Variants in MS4A4A observed in about 807,000 individuals in gnomAD.
MS4A4A encodes the protein membrane spanning 4-domains A4A.
In MS4A4A, 26 loss-of-function variants were observed where a neutral mutation model predicts 28.0. The ratio of observed to expected loss-of-function variants is 0.93; its 90% CI spans 0.68 to 1.29. The LOEUF (loss-of-function observed/expected upper bound fraction) is 1.29, where lower values mean the gene tolerates loss of function less well. Ranked by LOEUF, MS4A4A falls within the 50% of genes most tolerant of loss-of-function variation. The pLI, the probability that MS4A4A is intolerant of heterozygous loss-of-function variation, is 0.00. For missense variants in MS4A4A, 290 were observed against 293.1 expected, an observed-to-expected ratio of 0.99 and a Z score of 0.08; for synonymous variants, 86 against 100.8, an observed-to-expected ratio of 0.85 and a Z score of 0.88.
At chr11:60,308,051 G>A in intron 6 of MS4A4A, 56 bp from the exon 7 acceptor site, 1 of 1,473,822 alleles carries the variant, frequency 6.8e-7, no homozygotes, top group Non-Finnish European at 9.5e-7. Flanking sequence ...GGGCAGGAAA[G>A]GGGCACTCTG....
At chr11:60,286,550 G>A (rs576280270) in intron 1 of MS4A4A, among the ~76,000 whole-genome samples, 144 of 152,236 alleles carry the variant, frequency 9.5e-4, no homozygotes, top group South Asian at 3.5e-3. Context: ...CCCTCCGTTC[G>A]GGGTCCCTGA....
chr11:60,293,995 TGTAA>T (rs2135020606), intron 2 of MS4A4A, among the ~76,000 whole-genome samples: 1 of 152,334 alleles, frequency 6.6e-6, no homozygotes, highest in African/African-American at 2.4e-5. Context: ...ATTAGTGTAT[TGTAA>T]GTAAGAGTAC....
chr11:60,305,220 C>T (rs1441581552), intron 5 of MS4A4A, among the ~76,000 whole-genome samples: 1 of 152,240 alleles, frequency 6.6e-6, no homozygotes. Flanking sequence ...GGATTAAAGA[C>T]TGACCTACTT....
chr11:60,286,566 C>A (rs117205026), intron 1 of MS4A4A, among the ~76,000 whole-genome samples: 2 of 152,200 alleles, frequency 1.3e-5, no homozygotes, highest in Non-Finnish European at 2.9e-5. Context: ...CCTGACTTCC[C>A]GCAACAGTAG....
intron 1 of MS4A4A, among the ~76,000 whole-genome samples, chr11:60,288,282 G>A (rs1466950211): frequency 6.6e-6 from 1 of 152,238 alleles, no homozygotes. Context: ...CCACATGGTT[G>A]CCATCGAGAT....
In MS4A4A at chr11:60,308,110, G is replaced by T. The variant is rs1360452325; in HGVS notation, c.652G>T (p.Val218Leu). The change falls in exon 7 of 7, where the codon GTG becomes TTG. Residue 218 changes from valine to leucine, a missense_variant. By Grantham distance (32) the Val-to-Leu change is conservative (BLOSUM62 1). Transcript: ENST00000337908. The part of the protein sequence containing the change: ...KVLCCTPGGV[V>L]LILPSHSHMA... ...TGGCATTCTGATTGTTTCACAGGTTGTGTTAATTCTGCCATCACATTCTCA... is the reference window on the plus strand; with the variant it reads ...TGGCATTCTGATTGTTTCACAGGTTTTGTTAATTCTGCCATCACATTCTCA... 3.1e-6 allele frequency: 5 copies of T among 1,613,934 alleles called. No individual in the cohort carries two copies. Among genetic ancestry groups the T allele is most frequent in the Admixed American group, 3.3e-5 (2 of 60,012 alleles).
chr11:60,296,999 T>C (rs528167930), intron 2 of MS4A4A, 198 bp from the exon 3 acceptor site: 14 of 613,144 alleles, frequency 2.3e-5, no homozygotes, highest in Admixed American at 6.5e-5. Context: ...TTGGCAATGA[T>C]AGACGTCGCG....
chr11:60,282,531 T>C (rs1229026442), intron 1 of MS4A4A: 2 of 1,243,646 alleles, frequency 1.6e-6, no homozygotes, highest in African/African-American at 1.6e-5. Flanking sequence ...ATAGAGACTA[T>C]AAAATGCTGT....
At chr11:60,299,690 T>C (rs1174864040) in intron 3 of MS4A4A, among the ~76,000 whole-genome samples, 3 of 151,970 alleles carry the variant, frequency 2.0e-5, no homozygotes, top group African/African-American at 7.3e-5. Flanking sequence ...CTCGATCTCC[T>C]GGTCTCGTGA....
chr11:60,303,260 T>C (rs1442538301), intron 5 of MS4A4A, among the ~76,000 whole-genome samples: 1 of 152,234 alleles, frequency 6.6e-6, no homozygotes, highest in African/African-American at 2.4e-5. Context: ...CTTATCTTAA[T>C]GCTATCCTAA....
intron 1 of MS4A4A, among the ~76,000 whole-genome samples, chr11:60,286,494 A>C (rs1400936662): frequency 6.6e-6 from 1 of 152,242 alleles, no homozygotes; most frequent in Non-Finnish European, 1.5e-5. Flanking sequence ...ATGAATGTCC[A>C]TGAAATCTTC....
At chr11:60,297,909 G>C (rs554012255) in intron 3 of MS4A4A, among the ~76,000 whole-genome samples, 7 of 152,230 alleles carry the variant, frequency 4.6e-5, no homozygotes, top group African/African-American at 1.4e-4. Flanking sequence ...AGGAGATGTG[G>C]CTGGTACACA....
At chr11:60,297,573 A>G (rs2084917327) in intron 3 of MS4A4A, among the ~76,000 whole-genome samples, 1 of 152,200 alleles carries the variant, frequency 6.6e-6, no homozygotes. Context: ...CCAAAGACCC[A>G]AACCAGAATG....
chr11:60,299,169 A>G (rs1334241748), intron 3 of MS4A4A, among the ~76,000 whole-genome samples: 1 of 152,188 alleles, frequency 6.6e-6, no homozygotes, highest in Non-Finnish European at 1.5e-5. Flanking sequence ...AAGGTGCCTT[A>G]TTGAATTTTT....
In MS4A4A at chr11:60,308,552, T is replaced by C. The variant is rs1158980023; in HGVS notation, c.*374T>C. 1 of 172,896 alleles carries C rather than the reference T, an allele frequency of 5.8e-6. No individual in the cohort carries two copies. The highest frequency in any genetic ancestry group is 1.2e-5 in the Non-Finnish European group (1 of 82,274). The allele number at this position is 172,896 out of a possible 1,614,324, so 10.7% of individuals were successfully genotyped here. ...GAAGCAGAAGAGCAAAAAAAAGATA[T>C]TGTTAAAATGAGGCCTCCATGCAAA... On this transcript the variant is annotated 3_prime_UTR_variant, in exon 7 of 7. Transcript: ENST00000337908.
Position 60,283,668 on chromosome 11 carries a change from T to C in MS4A4A, c.41+2952T>C, listed in dbSNP as rs1215032275. Among the ~76,000 whole-genome samples, 5 of 152,344 alleles carry C rather than the reference T, an allele frequency of 3.3e-5. No homozygotes were observed. In the East Asian group the frequency reaches 7.7e-4, roughly 23 times the overall value. On this transcript the variant is annotated intron_variant, in intron 1 of 6. Transcript: ENST00000337908. ...GACAAGTAGGTAAATTGTCAATTTA[T>C]GGGCTTTATTAGAATGACTTTAAAT...
At chr11:60,295,814 A>T (rs1215585312) in intron 2 of MS4A4A, among the ~76,000 whole-genome samples, 1 of 152,114 alleles carries the variant, frequency 6.6e-6, no homozygotes. Context: ...ATGTATAGTC[A>T]GTCTTGCATA....
chr11:60,307,857 C>T (rs770102563), intron 6 of MS4A4A, among the ~76,000 whole-genome samples: 6 of 152,144 alleles, frequency 3.9e-5, no homozygotes, highest in African/African-American at 4.8e-5. Flanking sequence ...GTCATCCACA[C>T]GTAATATTGA....
intron 1 of MS4A4A, among the ~76,000 whole-genome samples, chr11:60,289,429 G>A (rs891644051): frequency 6.6e-6 from 1 of 152,098 alleles, no homozygotes; most frequent in Non-Finnish European, 1.5e-5. Flanking sequence ...AAGGGGTGGT[G>A]GAAGAAAGGT....
Sources: allele counts gnomAD v4.1 joint callset (sites outside exome capture counted in the v4.1 genomes callset), GRCh38; gene constraint gnomAD v4.1.1; transcripts MANE v1.5; gene names NCBI Gene and HGNC (gene_info 2026-07-23, HGNC 2026-07-21).